Variants in GDI2 observed in about 807,000 individuals in gnomAD.
GDI2 encodes the protein rab GDP dissociation inhibitor beta.
Under a neutral mutation model 54.2 loss-of-function variants are expected in GDI2, and 22 were observed. That is an observed-to-expected ratio of 0.41 (90% CI 0.29 to 0.58). The LOEUF is 0.58. Ranked by LOEUF, GDI2 falls within the 20% of genes least tolerant of loss-of-function variation. GDI2 has a pLI of 0.35. For missense variants in GDI2, 422 were observed against 546.0 expected (o/e 0.77, Z 2.26); for synonymous variants, 177 against 182.1 (o/e 0.97, Z 0.23).
intron 4 of GDI2, among the ~76,000 whole-genome samples, chr10:5,790,920 C>A (rs1212936019): frequency 6.6e-6 from 1 of 152,028 alleles, no homozygotes; most frequent in Non-Finnish European, 1.5e-5. Context: ...CTTTGGGACA[C>A]TGAGGAGAGA....
Position 5,801,000 on chromosome 10 carries a change from G to A in GDI2, c.46-295C>T, listed in dbSNP as rs1324433184. 2.6e-5 allele frequency among the ~76,000 whole-genome samples: 4 copies of A among 151,826 alleles called. No individual in the cohort carries two copies. In the East Asian group the frequency reaches 7.7e-4, roughly 29 times the overall value. On this transcript the variant is annotated intron_variant, in intron 1 of 10. Transcript: ENST00000380191. ...AGTTTCACTCTTCTTGCCCAGGCAG[G>A]AGTGCAATGGCGCAATCTCAGCTCA...
intron 6 of GDI2, among the ~76,000 whole-genome samples, chr10:5,778,749 G>T (rs1240415747): frequency 2.0e-5 from 3 of 152,110 alleles, no homozygotes; most frequent in African/African-American, 7.2e-5. Flanking sequence ...GTATTTGATT[G>T]TAAGAAATCA....
chr10:5,801,511 T>C (rs1841268949), intron 1 of GDI2, among the ~76,000 whole-genome samples: 2 of 151,924 alleles, frequency 1.3e-5, no homozygotes, highest in African/African-American at 2.4e-5. Flanking sequence ...ACCACATCTC[T>C]AGTAAAAATA....
chr10:5,768,462 A>G lies in GDI2; in HGVS notation c.820-78T>C. Reference sequence around the variant, plus strand: ...ACATCCCATGTTCATAGTTTGGAAGACTTAGTATTGTTAAGATATCAAAAA... The same window carrying G: ...ACATCCCATGTTCATAGTTTGGAAGGCTTAGTATTGTTAAGATATCAAAAA... On this transcript the variant is annotated intron_variant, in intron 7 of 10. Coordinates refer to ENST00000380191, the MANE Select transcript of GDI2 (RefSeq NM_001494.4). This position sits in a 1 kb window ranked among gnomAD's most constrained non-coding sequence, Gnocchi z 4.4. 1 of 926,690 alleles carries G rather than the reference A, an allele frequency of 1.1e-6. No homozygotes were observed. The highest frequency in any genetic ancestry group is 1.5e-5 in the South Asian group (1 of 66,048). 57.4% of individuals were successfully genotyped at this position (926,690 alleles called of 1,614,324 possible).
intron 6 of GDI2, among the ~76,000 whole-genome samples, chr10:5,784,456 T>C (rs1227220398): frequency 6.6e-6 from 1 of 152,238 alleles, no homozygotes; most frequent in Admixed American, 6.5e-5. Context: ...TTTAGATCCA[T>C]TGCTGGTAAG....
chr10:5,799,023 T>TTG, intron 2 of GDI2, among the ~76,000 whole-genome samples: 1 of 149,864 alleles, frequency 6.7e-6, no homozygotes, highest in East Asian at 2.0e-4. Context: ...AAGAAAAAAA[T>TTG]TGTGAGGAGA....
intron 6 of GDI2, among the ~76,000 whole-genome samples, chr10:5,778,542 T>C (rs1840677573): frequency 1.3e-5 from 2 of 152,236 alleles, no homozygotes; most frequent in African/African-American, 4.8e-5. Context: ...AGGAGAAATA[T>C]TTAAATTTCC....
At chr10:5,808,523 A>G (rs1263489707) in intron 1 of GDI2, among the ~76,000 whole-genome samples, 1 of 151,860 alleles carries the variant, frequency 6.6e-6, no homozygotes, top group Non-Finnish European at 1.5e-5. Flanking sequence ...AACATACAAA[A>G]AAATTAGCCG....
chr10:5,770,418 G>A (rs746495999), intron 7 of GDI2, among the ~76,000 whole-genome samples: 26 of 151,998 alleles, frequency 1.7e-4, no homozygotes, highest in South Asian at 2.1e-4. Context: ...AAAACTAGCC[G>A]GGCGTGGTGG....
chr10:5,806,303 G>A (rs2131721476), intron 1 of GDI2, among the ~76,000 whole-genome samples: 1 of 151,676 alleles, frequency 6.6e-6, no homozygotes, highest in Admixed American at 6.6e-5. Context: ...GACCGGGCAT[G>A]GTGGCTCATG....
Position 5,768,264 on chromosome 10 carries a change from C to T in GDI2, c.940G>A (p.Ala314Thr). The T allele has an allele frequency of 1.9e-6, 3 of 1,612,660 alleles. No individual in the cohort carries two copies. The highest frequency in any genetic ancestry group is 2.2e-5 in the East Asian group (1 of 44,880). The change falls in exon 8 of 11, where the codon GCC becomes ACC. Residue 314 changes from alanine to threonine, a missense_variant. Physicochemically the swap from Ala to Thr is moderately conservative, Grantham distance 58. Transcript: ENST00000380191. The surrounding 1 kb of genome is among the most constrained non-coding windows in gnomAD (Gnocchi z 4.4). ...GGAATAATGATCTGGCAGGAGTTGG[C>T]ATCATTGGTGTTCTTGATGGGGTGG... is the stretch of plus-strand genomic sequence containing the variant. ...LSHPIKNTNDANSCQIIIPQN... is the reference protein window; with the variant it reads ...LSHPIKNTNDTNSCQIIIPQN...
Position 5,774,507 on chromosome 10 carries a change from C to T in GDI2, c.720-566G>A, listed in dbSNP as rs1457322776. 4.6e-5 allele frequency among the ~76,000 whole-genome samples: 7 copies of T among 152,108 alleles called. No homozygotes were observed. The highest frequency in any genetic ancestry group is 2.6e-4 in the Admixed American group (4 of 15,258). ...GCTGGAGGCGTTCAACCCCCATACA[C>T]GGTTTTCTTCTCCCCTTTCCACTCT... On this transcript the variant is annotated intron_variant, in intron 6 of 10. Transcript: ENST00000380191. This position sits in a 1 kb window ranked among gnomAD's most constrained non-coding sequence, Gnocchi z 4.8.
intron 1 of GDI2, among the ~76,000 whole-genome samples, chr10:5,812,211 A>T (rs1019985652): frequency 6.6e-6 from 1 of 152,042 alleles, no homozygotes; most frequent in African/African-American, 2.4e-5. Flanking sequence ...ATTTAAAAAA[A>T]AAAAAAAAAG....
intron 3 of GDI2, among the ~76,000 whole-genome samples, chr10:5,795,711 T>C (rs1475405600): frequency 2.0e-5 from 3 of 151,974 alleles, no homozygotes; most frequent in East Asian, 3.9e-4. Flanking sequence ...GGGAGGATTG[T>C]TTGAGCCCAA....
chr10:5,812,838 G>C (rs1337563608), intron 1 of GDI2, among the ~76,000 whole-genome samples: 1 of 152,222 alleles, frequency 6.6e-6, no homozygotes, highest in Admixed American at 6.5e-5. Context: ...CTCCGCCTCG[G>C]GTGCTGGTTT....
At chr10:5,798,309 T>G (rs1841192315) in intron 2 of GDI2, among the ~76,000 whole-genome samples, 1 of 152,164 alleles carries the variant, frequency 6.6e-6, no homozygotes, top group East Asian at 1.9e-4. Context: ...AAATTCTGGC[T>G]GGGTGCGGTG....
At chr10:5,805,198 C>A (rs556622251) in intron 1 of GDI2, among the ~76,000 whole-genome samples, 7 of 152,088 alleles carry the variant, frequency 4.6e-5, no homozygotes, top group Non-Finnish European at 1.0e-4. Context: ...TGGTTCCTGA[C>A]TTGGCATCAC....
At chr10:5,793,330 T>C (rs1841059319) in intron 4 of GDI2, among the ~76,000 whole-genome samples, 1 of 152,152 alleles carries the variant, frequency 6.6e-6, no homozygotes, top group Non-Finnish European at 1.5e-5. Flanking sequence ...CTCAAACTCC[T>C]ACTTCTATGA....
chr10:5,813,157 G>A (rs1258320401), intron 1 of GDI2, 57 bp downstream of exon 1: 6 of 1,131,426 alleles, frequency 5.3e-6, no homozygotes, highest in Non-Finnish European at 6.3e-6. Context: ...CCGTGCAGGA[G>A]CCGGGGGTGC....
Sources: allele counts gnomAD v4.1 joint callset (sites outside exome capture counted in the v4.1 genomes callset), GRCh38; gene constraint gnomAD v4.1.1; non-coding constraint Gnocchi (gnomAD v3.1); transcripts MANE v1.5; gene names NCBI Gene and HGNC (gene_info 2026-07-23, HGNC 2026-07-21).